Variants in RAP1GAP observed in about 807,000 individuals in gnomAD.
RAP1GAP encodes RAP1 GTPase activating protein.
In RAP1GAP, 35 loss-of-function variants were observed where a neutral mutation model predicts 87.2. The ratio of observed to expected loss-of-function variants is 0.40; its 90% CI spans 0.31 to 0.53. The LOEUF (loss-of-function observed/expected upper bound fraction) is 0.53. RAP1GAP is among the 20% of genes least tolerant of loss of function. The pLI is 0.48. For missense variants in RAP1GAP, 734 were observed against 898.9 expected (o/e 0.82, Z 2.35); for synonymous variants, 375 against 363.9 (o/e 1.03, Z -0.35).
At position 21,613,905 on chromosome 1, in the gene RAP1GAP, G is replaced by A; in HGVS notation, c.395+81C>T. On this transcript the variant is annotated intron_variant, in intron 8 of 24. Transcript: ENST00000374765. This position sits in a 1 kb window ranked among gnomAD's most constrained non-coding sequence, Gnocchi z 4.7. ...GCCCCTCTATGGGCCTTGATGAAGA[G>A]AGTGGGTCAAATGAGATGGGCTCTG... The A allele has an allele frequency of 1.5e-6, 2 of 1,300,108 alleles. No homozygotes were observed. Among genetic ancestry groups the A allele is most frequent in the Non-Finnish European group, 2.2e-6 (2 of 924,392 alleles). The allele number at this position is 1,300,108 out of a possible 1,614,324, so 80.5% of individuals were successfully genotyped here. A position where few individuals can be genotyped will look rare whatever the true frequency, so the allele number is the denominator to read the frequency against.
intron 1 of RAP1GAP, among the ~76,000 whole-genome samples, chr1:21,651,030 G>A (rs1335025204): frequency 6.6e-6 from 1 of 152,138 alleles, no homozygotes; most frequent in Non-Finnish European, 1.5e-5. Flanking sequence ...CGCTTGTCTG[G>A]CTGGGCAGGG....
chr1:21,649,825 GA>G, intron 1 of RAP1GAP, 29 bp from the exon 2 acceptor site: 1 of 1,550,320 alleles, frequency 6.5e-7, no homozygotes, highest in Non-Finnish European at 8.7e-7. Context: ...GGCCATAGGT[GA>G]GGGGACATCC....
intron 1 of RAP1GAP, among the ~76,000 whole-genome samples, chr1:21,665,906 C>T (rs925460674): frequency 8.5e-5 from 13 of 152,246 alleles, no homozygotes; most frequent in African/African-American, 3.1e-4. Flanking sequence ...AGCCCAACTT[C>T]CTTTCCTTAT....
chr1:21,623,918 G>C (rs1020052391), intron 3 of RAP1GAP, among the ~76,000 whole-genome samples: 2 of 152,222 alleles, frequency 1.3e-5, no homozygotes, highest in East Asian at 3.8e-4. Flanking sequence ...AGCCATGTGT[G>C]CGTGTGTGTG....
At position 21,602,879 on chromosome 1, in the gene RAP1GAP, T is replaced by A; in HGVS notation, c.1463A>T (p.Lys488Met). 6.2e-7 allele frequency: 1 copy of A among 1,610,130 alleles called. No individual in the cohort carries two copies. Among genetic ancestry groups the A allele is most frequent in the Non-Finnish European group, 8.5e-7 (1 of 1,179,534 alleles). The stretch of plus-strand genomic sequence containing the variant: ...GCGGGAGCCGAACGGGCCCGACTTC[T>A]TCCTCGTGGGGCTCTTCCCAGGGAC... ...LIVPGKSPTR[K>M]KSGPFGSRRS... The change falls in exon 19 of 25, where the codon AAG becomes ATG. Residue 488 changes from lysine (K) to methionine (M), a missense_variant. Physicochemically the swap from Lys to Met is moderately conservative, Grantham distance 95. This residue lies in a region of RAP1GAP where 249 missense variants were observed against 252.7 expected (regional missense o/e 0.99). Coordinates refer to ENST00000374765, the MANE Select transcript of RAP1GAP (RefSeq NM_002885.4).
chr1:21,643,110 T>C (rs2095674851), intron 2 of RAP1GAP, among the ~76,000 whole-genome samples: 1 of 64,726 alleles, frequency 1.5e-5, no homozygotes, highest in Non-Finnish European at 3.6e-5. Flanking sequence ...AGTGGCCTCA[T>C]CTATTTTCTC....
At chr1:21,626,430 C>T in intron 2 of RAP1GAP, 33 bp from the exon 3 acceptor site, 1 of 1,563,984 alleles carries the variant, frequency 6.4e-7, no homozygotes, top group South Asian at 1.1e-5. Flanking sequence ...TCAGGGAGAG[C>T]CCCAAGCCAG....
chr1:21,632,580 C>A (rs2093970094), intron 2 of RAP1GAP, among the ~76,000 whole-genome samples: 1 of 152,138 alleles, frequency 6.6e-6, no homozygotes, highest in African/African-American at 2.4e-5. Context: ...GTGGGAAGAT[C>A]TCAAGAGAGT....
At chr1:21,633,679 C>T (rs9426774) in intron 2 of RAP1GAP, among the ~76,000 whole-genome samples, 46,287 of 151,736 alleles carry the variant, frequency 0.31, 8,015 homozygotes, top group Middle Eastern at 0.41. Flanking sequence ...GTTCAGGGAG[C>T]CAATGAATAC....
intron 1 of RAP1GAP, among the ~76,000 whole-genome samples, chr1:21,663,198 A>G (rs573323208): frequency 4.3e-4 from 65 of 152,274 alleles, no homozygotes; most frequent in African/African-American, 1.5e-3. Context: ...TCCTGTTTCT[A>G]GAGGCAGGGA....
In RAP1GAP at chr1:21,658,193, A is replaced by G. The variant is rs775568350; in HGVS notation, c.-148-8397T>C. Among the ~76,000 whole-genome samples the G allele has an allele frequency of 3.3e-5, 5 of 152,344 alleles. No homozygotes were observed. In the East Asian group the frequency reaches 7.7e-4, roughly 23 times the overall value. On this transcript the variant is annotated intron_variant, in intron 1 of 24. Transcript: ENST00000374765. Reference sequence around the variant, plus strand: ...ATATTTTTTGGTGTGGCTTTAATCCATAATACATTTTTCAAAGGTGCAGCT... The same window carrying G: ...ATATTTTTTGGTGTGGCTTTAATCCGTAATACATTTTTCAAAGGTGCAGCT...
At chr1:21,653,891 G>A (rs1767433) in intron 1 of RAP1GAP, among the ~76,000 whole-genome samples, 1 of 152,142 alleles carries the variant, frequency 6.6e-6, no homozygotes, top group African/African-American at 2.4e-5. Context: ...TGCCCAGTTG[G>A]CAGAGTAGCC....
At chr1:21,602,180 C>A (rs935979953) in intron 19 of RAP1GAP, among the ~76,000 whole-genome samples, 8 of 152,226 alleles carry the variant, frequency 5.3e-5, no homozygotes, top group African/African-American at 1.7e-4. Context: ...CGTCCTGGAG[C>A]CCTCTCAGGG....
chr1:21,659,077 G>A (rs1340420447), intron 1 of RAP1GAP, among the ~76,000 whole-genome samples: 1 of 151,362 alleles, frequency 6.6e-6, no homozygotes, highest in East Asian at 1.9e-4. Context: ...GCTAATTTTT[G>A]TATTTTTAGT....
intron 1 of RAP1GAP, among the ~76,000 whole-genome samples, chr1:21,650,706 A>C (rs1299682562): frequency 2.6e-5 from 4 of 152,220 alleles, no homozygotes; most frequent in Non-Finnish European, 4.4e-5. Context: ...GTCATAGAAC[A>C]GGACCCAGCC....
intron 20 of RAP1GAP, among the ~76,000 whole-genome samples, chr1:21,600,596 A>T (rs1214350533): frequency 6.6e-6 from 1 of 152,166 alleles, no homozygotes; most frequent in Non-Finnish European, 1.5e-5. Flanking sequence ...ATAAAAGTCA[A>T]AGCTCTTAGG....
chr1:21,613,913 C>T lies in RAP1GAP; in HGVS notation c.395+73G>A. 1 of 1,342,256 alleles carries T rather than the reference C, an allele frequency of 7.5e-7. No individual in the cohort carries two copies. 83.1% of individuals were successfully genotyped at this position (1,342,256 alleles called of 1,614,324 possible). On this transcript the variant is annotated intron_variant, in intron 8 of 24. Transcript: ENST00000374765. This position sits in a 1 kb window ranked among gnomAD's most constrained non-coding sequence, Gnocchi z 4.7. Reference sequence around the variant, plus strand: ...ATGGGCCTTGATGAAGAGAGTGGGTCAAATGAGATGGGCTCTGAGATTGTA... The same window carrying T: ...ATGGGCCTTGATGAAGAGAGTGGGTTAAATGAGATGGGCTCTGAGATTGTA...
At chr1:21,653,382 C>T (rs890049862) in intron 1 of RAP1GAP, 1 of 152,662 alleles carries the variant, frequency 6.6e-6, no homozygotes, top group African/African-American at 2.4e-5. Flanking sequence ...TTTCAGTCCT[C>T]AGAGGAGGGT....
rs983246461 is a variant in RAP1GAP at position 21,668,415 on chromosome 1, C to T, written c.-149+839G>A. The T allele has an allele frequency of 6.6e-5, 10 of 152,356 alleles. No homozygotes were observed. The highest frequency in any genetic ancestry group is 1.7e-4 in the African/African-American group (7 of 41,434). The allele number at this position is 152,356 out of a possible 1,614,324, so 9.4% of individuals were successfully genotyped here. On this transcript the variant is annotated intron_variant, in intron 1 of 24. Transcript: ENST00000374765. The surrounding 1 kb of genome is among the most constrained non-coding windows in gnomAD (Gnocchi z 6.2). Reference sequence around the variant, plus strand: ...AGCCCTGAGAACAGTGGATGTTCTTCCTGACCCCACCACCGGGCCTGTGCT... The same window carrying T: ...AGCCCTGAGAACAGTGGATGTTCTTTCTGACCCCACCACCGGGCCTGTGCT...
Sources: allele counts gnomAD v4.1 joint callset (sites outside exome capture counted in the v4.1 genomes callset), GRCh38; gene constraint gnomAD v4.1.1; regional missense constraint gnomAD v4.1.1; non-coding constraint Gnocchi (gnomAD v3.1); transcripts MANE v1.5; gene names NCBI Gene and HGNC (gene_info 2026-07-23, HGNC 2026-07-21).